The following SPINK5 variants were observed in gnomAD, a reference collection of about 807,000 sequenced individuals.
The protein encoded by SPINK5 is serine protease inhibitor Kazal-type 5.
Under a neutral mutation model 151.8 loss-of-function variants are expected in SPINK5, and 125 were observed. The observed-to-expected ratio is 0.82, with a 90% CI of 0.71 to 0.96. The LOEUF is 0.96. Ranked by LOEUF, SPINK5 falls within the 40% of genes least tolerant of loss-of-function variation. SPINK5 has a pLI of 0.00. For missense variants in SPINK5, 1,194 were observed against 1,291.9 expected (o/e 0.92, Z 1.16); for synonymous variants, 374 against 395.3 (o/e 0.95, Z 0.64).
chr5:148,071,950 T>C (rs1392194899), intron 3 of SPINK5, among the ~76,000 whole-genome samples, 198 bp from the exon 4 acceptor site: 1 of 152,078 alleles, frequency 6.6e-6, no homozygotes, highest in Non-Finnish European at 1.5e-5. Context: ...AGATTCTTCC[T>C]ATAATACCAT....
Position 148,118,639 on chromosome 5 carries a change from C to T in SPINK5, c.2240+75C>T, listed in dbSNP as rs1004525156. On this transcript the variant is annotated intron_variant, in intron 23 of 32. Transcript: ENST00000256084. ...TGAATGAATGGCTATTTCTCATTTG[C>T]TATGGCTCCTTCCATGCAAATTATT... 6 of 1,561,860 alleles carry T rather than the reference C, an allele frequency of 3.8e-6. No homozygotes were observed. The African/African-American group carries it at 6.8e-5, about 18-fold the overall frequency.
chr5:148,068,638 C>A (rs1379323372), intron 2 of SPINK5, among the ~76,000 whole-genome samples: 1 of 150,114 alleles, frequency 6.7e-6, no homozygotes, highest in African/African-American at 2.4e-5. Context: ...ATATAGGAGC[C>A]TAAATAGAAA....
chr5:148,090,926 G>T, intron 7 of SPINK5: 1 of 532,158 alleles, frequency 1.9e-6, no homozygotes, highest in Non-Finnish European at 3.3e-6. Context: ...CTTACTATAG[G>T]CAAGAAAGCT....
intron 18 of SPINK5, among the ~76,000 whole-genome samples, chr5:148,109,864 T>C (rs916144666): frequency 6.6e-6 from 1 of 152,176 alleles, no homozygotes; most frequent in Non-Finnish European, 1.5e-5. Flanking sequence ...GTCCTTGTAG[T>C]GTCTGGAAGT....
At position 148,131,387 on chromosome 5, in the gene SPINK5, C is replaced by T. The variant is rs763979536; in HGVS notation, c.3093C>T (p.Asn1031=). The change falls in exon 31 of 33, where the codon AAC becomes AAT. Residue 1031 remains asparagine (N), a splice_region_variant and synonymous_variant. Coordinates refer to ENST00000256084, the MANE Select transcript of SPINK5 (RefSeq NM_006846.4). Reference sequence around the variant, plus strand: ...ATCCTTGCATGCTCTGTCATGAAAACCTGTAAGTATTCAAGTTGCCCCATC... The same window carrying T: ...ATCCTTGCATGCTCTGTCATGAAAATCTGTAAGTATTCAAGTTGCCCCATC... ...YNNPCMLCHE[N]LIRQTNTHIR... 29 of 1,613,688 alleles carry T rather than the reference C, an allele frequency of 1.8e-5. No individual in the cohort carries two copies. The South Asian group carries it at 3.1e-4, about 17-fold the overall frequency.
intron 17 of SPINK5, among the ~76,000 whole-genome samples, chr5:148,107,544 G>C (rs75705531): frequency 0.03 from 4,519 of 152,214 alleles, 234 homozygotes; most frequent in African/African-American, 0.1. Context: ...GGAGAAGCCA[G>C]CTGGATGGAG....
At position 148,119,009 on chromosome 5, in the gene SPINK5, A is replaced by AT; in HGVS notation, c.2265dup (p.Glu756Ter). 6.2e-7 allele frequency: 1 copy of AT among 1,614,078 alleles called. No homozygotes were observed. The highest frequency in any genetic ancestry group is 8.5e-7 in the Non-Finnish European group (1 of 1,179,958). On this transcript the variant is annotated frameshift_variant, in exon 24 of 33. Transcript: ENST00000256084. LOFTEE classifies it high-confidence loss of function. ...AGGGAAAGAGAAGCAGAGAGAAAAA[A>AT]TGAGTATTCTCGCTCCAGATCAAAT...
At chr5:148,119,090 G>T in intron 24 of SPINK5, 32 bp downstream of exon 24, 1 of 1,594,548 alleles carries the variant, frequency 6.3e-7, no homozygotes, top group Non-Finnish European at 8.6e-7. Flanking sequence ...GGCAAGAATC[G>T]TCTTTCTGTG....
intron 13 of SPINK5, among the ~76,000 whole-genome samples, chr5:148,100,844 T>C (rs1265158972): frequency 6.6e-6 from 1 of 152,220 alleles, no homozygotes; most frequent in African/African-American, 2.4e-5. Flanking sequence ...GGACAAGTTC[T>C]AGCTTATCTC....
chr5:148,107,148 A>G lies in SPINK5; in HGVS notation c.1591A>G (p.Met531Val), dbSNP rs905500462. Residue 531 changes from methionine (M) to valine (V), a missense_variant, in exon 17 of 33, where the codon ATG (methionine) becomes GTG (valine). Physicochemically the swap from Met to Val is conservative, Grantham distance 21 (BLOSUM62 1). Coordinates refer to ENST00000256084, the MANE Select transcript of SPINK5 (RefSeq NM_006846.4). ...CAAAATGCATGGAAACAAGTGTGCC[A>G]TGTGTGCCAGTGTGTTGTGAGTGTC... ...DGKMHGNKCA[M>V]CASVFKLEEE... is the part of the protein sequence containing the mutation. The G allele has an allele frequency of 1.9e-6, 3 of 1,612,344 alleles. No individual in the cohort carries two copies. Among genetic ancestry groups the G allele is most frequent in the Non-Finnish European group, 1.7e-6 (2 of 1,178,808 alleles).
chr5:148,109,482 T>C (rs371169597), intron 18 of SPINK5, among the ~76,000 whole-genome samples: 1 of 150,230 alleles, frequency 6.7e-6, no homozygotes, highest in Non-Finnish European at 1.5e-5. Context: ...AATACAATTA[T>C]ATACTGATAT....
Position 148,104,865 on chromosome 5 carries a change from C to T in SPINK5, c.1431-87C>T, listed in dbSNP as rs775790685. The T allele has an allele frequency of 5.7e-4, 765 of 1,339,080 alleles. 3 individuals are homozygous for T. The highest frequency in any genetic ancestry group is 7.4e-4 in the Non-Finnish European group (717 of 967,274). The allele number at this position is 1,339,080 out of a possible 1,614,324, so 82.9% of individuals were successfully genotyped here. A position where few individuals can be genotyped will look rare whatever the true frequency, so the allele number is the denominator to read the frequency against. On this transcript the variant is annotated intron_variant, in intron 15 of 32. Transcript: ENST00000256084. Reference sequence around the variant, plus strand: ...GAGCCGAGATCGCGCCACTGCACTCCAGCCTGGGTGACAGAGAGAGACTCC... The same window carrying T: ...GAGCCGAGATCGCGCCACTGCACTCTAGCCTGGGTGACAGAGAGAGACTCC...
chr5:148,088,474 C>G, intron 5 of SPINK5, 68 bp from the exon 6 acceptor site: 1 of 1,332,738 alleles, frequency 7.5e-7, no homozygotes, highest in Non-Finnish European at 1.1e-6. Flanking sequence ...CAATGTAGAG[C>G]AGTTAGGTTT....
At chr5:148,102,473 AC>A (rs1333789551) in intron 15 of SPINK5, among the ~76,000 whole-genome samples, 2 of 152,198 alleles carry the variant, frequency 1.3e-5, no homozygotes, top group African/African-American at 4.8e-5. Flanking sequence ...CATATACCAA[AC>A]ATCACACTGA....
intron 11 of SPINK5, among the ~76,000 whole-genome samples, chr5:148,098,787 A>G (rs568471682): frequency 2.6e-4 from 39 of 151,902 alleles, no homozygotes; most frequent in Non-Finnish European, 4.3e-4. Context: ...GAGGGAGGAG[A>G]CCTTGGTTGT....
In SPINK5 at chr5:148,137,058, T is replaced by G. The variant is rs767716517; in HGVS notation, c.*67T>G. The G allele has an allele frequency of 4.3e-5, 68 of 1,586,088 alleles. No individual in the cohort carries two copies. Among genetic ancestry groups the G allele is most frequent in the Non-Finnish European group, 5.8e-5 (67 of 1,155,130 alleles). ...AGTTCTGAATCACCTACCTTCACCA[T>G]CTGTATATACAAAGAATTCTTCGGA... On this transcript the variant is annotated 3_prime_UTR_variant, in exon 33 of 33. Transcript: ENST00000256084.
chr5:148,101,483 T>A (rs781472047), intron 14 of SPINK5, 47 bp downstream of exon 14: 4 of 1,413,208 alleles, frequency 2.8e-6, no homozygotes, highest in Non-Finnish European at 3.0e-6. Flanking sequence ...GCCCTGAGGA[T>A]CCACAGATCA....
In SPINK5 at chr5:148,112,061, A is replaced by T. The variant is rs6883062; in HGVS notation, c.1820+166A>T. On this transcript the variant is annotated intron_variant, in intron 19 of 32. Coordinates refer to ENST00000256084, the MANE Select transcript of SPINK5 (RefSeq NM_006846.4). ...ATAAAGCCATATATTCAGCCCATTT[A>T]TTTCTGGTGTTCTTCAATAGTCTGA... Among the ~76,000 whole-genome samples the T allele has an allele frequency of 0.15, 23,241 of 152,070 alleles. 2,437 individuals carry two copies. Among genetic ancestry groups the T allele is most frequent in the East Asian group, 0.32 (1,654 of 5,140 alleles).
At chr5:148,115,717 A>G (rs906406751) in intron 21 of SPINK5, among the ~76,000 whole-genome samples, 2 of 152,118 alleles carry the variant, frequency 1.3e-5, no homozygotes, top group African/African-American at 4.8e-5. Context: ...CATTTGGTAG[A>G]GAAGATAATG....
Sources: gnomAD v4.1 joint callset for allele counts (sites outside exome capture counted in the v4.1 genomes callset) on GRCh38, gnomAD v4.1.1 for gene constraint, MANE v1.5 for transcripts, NCBI Gene and HGNC (gene_info 2026-07-23, HGNC 2026-07-21) for gene names.